NTNG2: variants seen among roughly 807,000 people sequenced by gnomAD.
NTNG2 encodes the protein netrin-G2.
In NTNG2, 15 loss-of-function variants were observed where a neutral mutation model predicts 47.6. The ratio of observed to expected loss-of-function variants is 0.32; its 90% CI spans 0.21 to 0.49. The LOEUF (loss-of-function observed/expected upper bound fraction) is 0.49. Among genes scored for constraint, NTNG2 ranks in the 20% least tolerant of loss-of-function variants. The pLI is 0.99. For synonymous variants in NTNG2, 307 were observed against 324.6 expected (o/e 0.95, Z 0.58); for missense variants, 578 against 764.6 (o/e 0.76, Z 2.88).
At chr9:132,237,941 G>A (rs1841744126) in intron 5 of NTNG2, among the ~76,000 whole-genome samples, 1 of 152,200 alleles carries the variant, frequency 6.6e-6, no homozygotes, top group African/African-American at 2.4e-5. Context: ...GGACTAGGTG[G>A]CCCACAGGTG....
chr9:132,231,621 T>C lies in NTNG2; in HGVS notation c.1054+1026T>C. The C allele has an allele frequency of 3.6e-6, 1 of 281,106 alleles. No homozygotes were observed. The highest frequency in any genetic ancestry group is 7.0e-6 in the Non-Finnish European group (1 of 141,896). 17.4% of individuals were successfully genotyped at this position (281,106 alleles called of 1,614,324 possible). On this transcript the variant is annotated intron_variant, in intron 5 of 7. Transcript: ENST00000393229. This position sits in a 1 kb window ranked among gnomAD's most constrained non-coding sequence, Gnocchi z 4.1. ...CCCCGGCAACCCCCCAACCCTCTCT[T>C]GCTTTTCCCATCTCTCACCAGGCAT... is the stretch of plus-strand genomic sequence containing the variant.
At chr9:132,223,854 TAA>T (rs1238334801) in intron 3 of NTNG2, among the ~76,000 whole-genome samples, 6 of 152,192 alleles carry the variant, frequency 3.9e-5, no homozygotes, top group Admixed American at 1.3e-4. Context: ...AGGACACGCC[TAA>T]CCAGTCAAAG....
At position 132,221,026 on chromosome 9, in the gene NTNG2, C is replaced by T. The variant is rs1428841548; in HGVS notation, c.858-5823C>T. Reference sequence around the variant, plus strand: ...AATAATAGCCTGTAGAGCTGTTTTACAGTCCATGCGCCCATCTCCCCCAGT... The same window carrying T: ...AATAATAGCCTGTAGAGCTGTTTTATAGTCCATGCGCCCATCTCCCCCAGT... On this transcript the variant is annotated intron_variant, in intron 3 of 7. Transcript: ENST00000393229. The surrounding 1 kb of genome is among the most constrained non-coding windows in gnomAD (Gnocchi z 4.2). 1.3e-5 allele frequency among the ~76,000 whole-genome samples: 2 copies of T among 152,128 alleles called. No homozygotes were observed.
intron 2 of NTNG2, among the ~76,000 whole-genome samples, chr9:132,183,172 G>A (rs919095000): frequency 2.0e-5 from 3 of 152,120 alleles, no homozygotes; most frequent in South Asian, 2.1e-4. Flanking sequence ...CCTGGGTGCC[G>A]AGGGGTGCCA....
In NTNG2 at chr9:132,218,246, G is replaced by A. The variant is rs369848311; in HGVS notation, c.858-8603G>A. ...CGAGCTGCTTGGATTCAAGTCCTGC[G>A]TCTGCCCCTTACCAGCTGTGGAACC... On this transcript the variant is annotated intron_variant, in intron 3 of 7. Transcript: ENST00000393229. This position sits in a 1 kb window ranked among gnomAD's most constrained non-coding sequence, Gnocchi z 5.4. Among the ~76,000 whole-genome samples, 9 of 152,146 alleles carry A rather than the reference G, an allele frequency of 5.9e-5. No homozygotes were observed. In the East Asian group the frequency reaches 7.7e-4, roughly 13 times the overall value.
In NTNG2 at chr9:132,180,463, C is replaced by T. The variant is rs1300512936; in HGVS notation, c.213+13419C>T. Reference sequence around the variant, plus strand: ...CACCTTGTCTCTGCCCCTGTCCCCACCCAGGCAACATCCAAAACCTTTGCC... The same window carrying T: ...CACCTTGTCTCTGCCCCTGTCCCCATCCAGGCAACATCCAAAACCTTTGCC... On this transcript the variant is annotated intron_variant, in intron 2 of 7. Transcript: ENST00000393229. The surrounding 1 kb of genome is among the most constrained non-coding windows in gnomAD (Gnocchi z 4.2). Among the ~76,000 whole-genome samples the T allele has an allele frequency of 6.6e-6, 1 of 152,218 alleles. No individual in the cohort carries two copies. The highest frequency in any genetic ancestry group is 1.5e-5 in the Non-Finnish European group (1 of 68,034).
At chr9:132,183,959 C>A (rs933754860) in intron 2 of NTNG2, among the ~76,000 whole-genome samples, 5 of 152,188 alleles carry the variant, frequency 3.3e-5, no homozygotes, top group African/African-American at 1.2e-4. Context: ...CAGGTATTGT[C>A]ATGTTTTCAT....
At chr9:132,241,326 G>A in intron 7 of NTNG2, 1 of 503,264 alleles carries the variant, frequency 2.0e-6, no homozygotes. Context: ...CGACCCGGGG[G>A]CGGTGGACGG....
In NTNG2 at chr9:132,226,401, G is replaced by C. The variant is rs1840760187; in HGVS notation, c.858-448G>C. Among the ~76,000 whole-genome samples, 1 of 152,182 alleles carries C rather than the reference G, an allele frequency of 6.6e-6. No homozygotes were observed. The highest frequency in any genetic ancestry group is 6.5e-5 in the Admixed American group (1 of 15,278). On this transcript the variant is annotated intron_variant, in intron 3 of 7. Coordinates refer to ENST00000393229, the MANE Select transcript of NTNG2 (RefSeq NM_032536.4). The surrounding 1 kb of genome is among the most constrained non-coding windows in gnomAD (Gnocchi z 4.8). ...CAGCAGAGGTCCAGCCTGAAGCCAG[G>C]TGCCTTTCTACACAATGAAGTGCAG... is the stretch of plus-strand genomic sequence containing the variant.
intron 2 of NTNG2, among the ~76,000 whole-genome samples, chr9:132,173,871 A>G (rs1589372323): frequency 7.0e-6 from 1 of 142,240 alleles, no homozygotes; most frequent in African/African-American, 2.7e-5. Flanking sequence ...AGACGGACAG[A>G]CAGGCAGGCC....
intron 3 of NTNG2, 143 bp downstream of exon 3, chr9:132,198,752 C>T: frequency 1.2e-6 from 1 of 857,216 alleles, no homozygotes; most frequent in East Asian, 2.7e-5. Flanking sequence ...CTGGGCGTTA[C>T]CTGGTATGTG....
In NTNG2 at chr9:132,163,630, C is replaced by T. The variant is rs1318784242; in HGVS notation, c.-484+1391C>T. 1.3e-5 allele frequency among the ~76,000 whole-genome samples: 2 copies of T among 152,070 alleles called. No individual in the cohort carries two copies. Among genetic ancestry groups the T allele is most frequent in the African/African-American group, 2.4e-5 (1 of 41,432 alleles). On this transcript the variant is annotated intron_variant, in intron 1 of 7. Coordinates refer to ENST00000393229, the MANE Select transcript of NTNG2 (RefSeq NM_032536.4). This position sits in a 1 kb window ranked among gnomAD's most constrained non-coding sequence, Gnocchi z 7.2. ...GGGAACCCCGGGGTGGGCTGAGTATCCCCCCTAGCCCCGGGAGCCCCCAGC... is the reference window on the plus strand; with the variant it reads ...GGGAACCCCGGGGTGGGCTGAGTATTCCCCCTAGCCCCGGGAGCCCCCAGC...
intron 3 of NTNG2, among the ~76,000 whole-genome samples, chr9:132,210,531 G>C (rs1334915094): frequency 2.6e-5 from 4 of 152,240 alleles, no homozygotes; most frequent in Non-Finnish European, 4.4e-5. Context: ...CTTTGGAGGA[G>C]AGTGCTGCTG....
In NTNG2 at chr9:132,213,277, G is replaced by A. The variant is rs1275806491; in HGVS notation, c.858-13572G>A. ...GCGGAGGTTAAAGTGAGCTGAGATC[G>A]TGCCACTGCACTCCAGCCTCCAGCC... On this transcript the variant is annotated intron_variant, in intron 3 of 7. Transcript: ENST00000393229. 2.7e-5 allele frequency among the ~76,000 whole-genome samples: 4 copies of A among 148,062 alleles called. No homozygotes were observed. In the South Asian group the frequency reaches 6.4e-4, roughly 24 times the overall value.
chr9:132,204,558 G>A (rs932294003), intron 3 of NTNG2, among the ~76,000 whole-genome samples: 2 of 152,058 alleles, frequency 1.3e-5, no homozygotes, highest in Non-Finnish European at 2.9e-5. Context: ...GAAAAACAGG[G>A]GCAAGAAGGG....
At chr9:132,171,336 G>A (rs560206937) in intron 2 of NTNG2, among the ~76,000 whole-genome samples, 2 of 152,214 alleles carry the variant, frequency 1.3e-5, no homozygotes, top group South Asian at 2.1e-4. Flanking sequence ...GACTTCCTGG[G>A]AGAGGAAACG....
Position 132,184,675 on chromosome 9 carries a change from G to A in NTNG2, c.214-13291G>A, listed in dbSNP as rs12685984. The stretch of plus-strand genomic sequence containing the variant: ...ATGGTGGCTCACGCCTGTAATCCCA[G>A]CACTTTGGGAGGCCGAGGCGGGTGG... On this transcript the variant is annotated intron_variant, in intron 2 of 7. Transcript: ENST00000393229. Among the ~76,000 whole-genome samples the A allele has an allele frequency of 0.014, 2,057 of 152,346 alleles. 79 individuals are homozygous for A. The East Asian group carries it at 0.14, about 10-fold the overall frequency.
chr9:132,241,118 C>T (rs1421423398), intron 7 of NTNG2, 74 bp downstream of exon 7: 10 of 1,467,972 alleles, frequency 6.8e-6, no homozygotes, highest in Non-Finnish European at 9.0e-6. Context: ...GTGGGCGGGG[C>T]CTAGTGGGAC....
At chr9:132,214,597 T>G (rs1839838462) in intron 3 of NTNG2, among the ~76,000 whole-genome samples, 2 of 152,178 alleles carry the variant, frequency 1.3e-5, no homozygotes, top group South Asian at 4.1e-4. Context: ...TGTGGCTCTG[T>G]CCTTGCTGGC....
Sources: allele counts gnomAD v4.1 joint callset (sites outside exome capture counted in the v4.1 genomes callset), GRCh38; gene constraint gnomAD v4.1.1; non-coding constraint Gnocchi (gnomAD v3.1); transcripts MANE v1.5; gene names NCBI Gene and HGNC (gene_info 2026-07-23, HGNC 2026-07-21).